The following SI variants were observed in gnomAD, a reference collection of about 807,000 sequenced individuals.
SI encodes sucrase-isomaltase, intestinal.
Under a neutral mutation model 253.3 loss-of-function variants are expected in SI, and 235 were observed. The ratio of observed to expected loss-of-function variants is 0.93; its 90% CI spans 0.83 to 1.03. The LOEUF is 1.03. Ranked by LOEUF, SI falls within the 50% of genes least tolerant of loss-of-function variation. SI has a pLI of 0.00. For missense variants in SI, 2,442 were observed against 2,211.1 expected (o/e 1.10, Z -2.09); for synonymous variants, 819 against 712.0 (o/e 1.15, Z -2.39).
intron 22 of SI, among the ~76,000 whole-genome samples, chr3:165,034,764 C>A (rs1467289285): frequency 2.6e-5 from 4 of 151,794 alleles, no homozygotes; most frequent in African/African-American, 9.7e-5. Flanking sequence ...CTCTAGGTCT[C>A]GATAAAACTC....
intron 23 of SI, 111 bp from the exon 24 acceptor site, chr3:165,032,803 A>T (rs1712321739): frequency 1.5e-6 from 1 of 647,258 alleles, no homozygotes; most frequent in Non-Finnish European, 2.7e-6. Flanking sequence ...CTCTATTCCC[A>T]CCAGCTCTCC....
intron 15 of SI, among the ~76,000 whole-genome samples, chr3:165,048,366 A>G (rs62280929): frequency 0.065 from 9,785 of 151,594 alleles, 393 homozygotes; most frequent in Non-Finnish European, 0.095. Context: ...GATATTAATT[A>G]GAAAACTACA....
chr3:165,006,974 A>T lies in SI; in HGVS notation c.4268-20T>A. 1 of 1,537,902 alleles carries T rather than the reference A, an allele frequency of 6.5e-7. No homozygotes were observed. Among genetic ancestry groups the T allele is most frequent in the Non-Finnish European group, 8.9e-7 (1 of 1,121,012 alleles). On this transcript the variant is annotated intron_variant, in intron 36 of 47. Transcript: ENST00000264382. The stretch of plus-strand genomic sequence containing the variant: ...TGAGTTCTGGAAAGAATCAATGAAA[A>T]AATATTAATATATTATACAGTGCCC...
chr3:165,049,020 T>A (rs12490819), intron 15 of SI, 107 bp downstream of exon 15: 4 of 760,978 alleles, frequency 5.3e-6, no homozygotes, highest in South Asian at 2.8e-5. Flanking sequence ...ATATTATCTT[T>A]CTTTTTTCAA....
intron 37 of SI, among the ~76,000 whole-genome samples, chr3:165,002,866 T>G (rs1430700615): frequency 6.6e-6 from 1 of 151,768 alleles, no homozygotes; most frequent in East Asian, 1.9e-4. Context: ...CTACTCAATT[T>G]AAGTAATGTG....
rs1356567879 is a variant in SI at position 165,015,181 on chromosome 3, C to T, written c.3941G>A (p.Gly1314Glu). The change falls in exon 33 of 48, where the codon GGA becomes GAA. Residue 1314 changes from glycine to glutamate, a missense_variant. Physicochemically the swap from Gly to Glu is moderately conservative, Grantham distance 98. Coordinates refer to ENST00000264382, the MANE Select transcript of SI (RefSeq NM_001041.4). ...TTTGACAAAGACATCATTCTGCTGT[C>T]CTCTTTCAAATGCAGGGTAAGTCTT... ...ETKTYPAFER[G>E]QQNDVFVKWP... 3 of 1,613,384 alleles carry T rather than the reference C, an allele frequency of 1.9e-6. No individual in the cohort carries two copies. Among genetic ancestry groups the T allele is most frequent in the South Asian group, 1.1e-5 (1 of 91,074 alleles).
Position 165,006,841 on chromosome 3 carries a change from A to C in SI, c.4381T>G (p.Trp1461Gly). Residue 1461 changes from tryptophan to glycine, a missense_variant, in exon 37 of 48, where the codon TGG becomes GGG. Transcript: ENST00000264382. ...TCATGAGTAGGTTTCATCTGTGACCATCCATAGAGATTGTGAACATCGTAA... is the reference window on the plus strand; with the variant it reads ...TCATGAGTAGGTTTCATCTGTGACCCTCCATAGAGATTGTGAACATCGTAA... ...LHYDVHNLYGWSQMKPTHDAL... is the reference protein window; with the variant it reads ...LHYDVHNLYGGSQMKPTHDAL... The C allele has an allele frequency of 6.2e-7, 1 of 1,612,928 alleles. No individual in the cohort carries two copies.
chr3:165,081,586 C>T (rs962519744), upstream of SI, among the ~76,000 whole-genome samples: 1 of 151,688 alleles, frequency 6.6e-6, no homozygotes, highest in Admixed American at 6.6e-5. Context: ...CAGGATGCAA[C>T]AAAAAGACAA....
At chr3:165,063,833 A>T (rs1011372639) in intron 7 of SI, among the ~76,000 whole-genome samples, 1 of 150,808 alleles carries the variant, frequency 6.6e-6, no homozygotes, top group South Asian at 2.1e-4. Flanking sequence ...TTAATAACTT[A>T]TGCCCAGGTG....
chr3:165,027,407 T>C (rs1711986431), intron 25 of SI, among the ~76,000 whole-genome samples: 1 of 151,040 alleles, frequency 6.6e-6, no homozygotes, highest in Non-Finnish European at 1.5e-5. Flanking sequence ...TCTATTGACG[T>C]TATTCCACAA....
chr3:165,067,803 G>T (rs1714326764), intron 5 of SI, among the ~76,000 whole-genome samples: 1 of 151,700 alleles, frequency 6.6e-6, no homozygotes, highest in Non-Finnish European at 1.5e-5. Context: ...AGACCTTTGT[G>T]AATTTAATCA....
In SI at chr3:165,012,961, T is replaced by G; in HGVS notation, c.4062+19A>C. ...TTTGAATTTCTTCTCATTGTATAGT[T>G]AGCCCGTGTAAAACTTACATTAACA... On this transcript the variant is annotated intron_variant, in intron 34 of 47. Transcript: ENST00000264382. 1 of 1,482,520 alleles carries G rather than the reference T, an allele frequency of 6.7e-7. No homozygotes were observed. Among genetic ancestry groups the G allele is most frequent in the Non-Finnish European group, 9.4e-7 (1 of 1,059,818 alleles). 91.8% of individuals were successfully genotyped at this position (1,482,520 alleles called of 1,614,324 possible).
chr3:165,077,279 C>G (rs903387246), intron 1 of SI, among the ~76,000 whole-genome samples: 6 of 151,578 alleles, frequency 4.0e-5, no homozygotes, highest in African/African-American at 1.5e-4. Context: ...AATTCAAATG[C>G]CATGGTGAGT....
intron 3 of SI, among the ~76,000 whole-genome samples, chr3:165,070,935 A>G (rs967971864): frequency 6.6e-6 from 1 of 151,994 alleles, no homozygotes; most frequent in Non-Finnish European, 1.5e-5. Flanking sequence ...TCTAGCTTCT[A>G]GTGGCTCCTG....
At chr3:165,089,501 G>A in the SI span, among the ~76,000 whole-genome samples, 1 of 152,138 alleles carries the variant, frequency 6.6e-6, no homozygotes, top group Admixed American at 6.6e-5. Flanking sequence ...GGCCAGTGTG[G>A]CTGTAGAGAT....
chr3:165,069,601 G>T lies in SI; in HGVS notation c.256-406C>A, dbSNP rs535919740. 2.6e-5 allele frequency among the ~76,000 whole-genome samples: 4 copies of T among 152,028 alleles called. No individual in the cohort carries two copies. The East Asian group carries it at 7.7e-4, about 29-fold the overall frequency. ...ACTAGGAGGATGAAAATATGGCCTT[G>T]AATTTAAACCCACTTAAAATGTGTA... On this transcript the variant is annotated intron_variant, in intron 3 of 47. Transcript: ENST00000264382.
chr3:165,031,733 T>G (rs1371769531), intron 24 of SI, among the ~76,000 whole-genome samples: 4 of 150,786 alleles, frequency 2.7e-5, no homozygotes, highest in African/African-American at 9.7e-5. Flanking sequence ...TAGTATTATA[T>G]AAATGGAGAA....
chr3:165,063,564 TA>T, intron 7 of SI, 23 bp from the exon 8 acceptor site: 10 of 1,051,926 alleles, frequency 9.5e-6, no homozygotes, highest in Non-Finnish European at 1.2e-5. Flanking sequence ...AATTTGAAAA[TA>T]CGATTTTCAA....
At chr3:165,025,786 G>T (rs1711882685) in intron 25 of SI, among the ~76,000 whole-genome samples, 2 of 151,376 alleles carry the variant, frequency 1.3e-5, no homozygotes, top group Admixed American at 1.3e-4. Flanking sequence ...ACAAACAAAT[G>T]CTGAGAGAAT....
Sources: allele counts gnomAD v4.1 joint callset (sites outside exome capture counted in the v4.1 genomes callset), GRCh38; gene constraint gnomAD v4.1.1; transcripts MANE v1.5; gene names NCBI Gene and HGNC (gene_info 2026-07-23, HGNC 2026-07-21).